Variants in DCC observed in about 807,000 individuals in gnomAD.
DCC encodes DCC netrin 1 receptor.
In DCC, 58 loss-of-function variants were observed where a neutral mutation model predicts 172.5. The observed-to-expected ratio is 0.34, with a 90% CI of 0.27 to 0.42. The LOEUF is 0.42. Among genes scored for constraint, DCC ranks in the 10% least tolerant of loss-of-function variants. The pLI, the probability that DCC is intolerant of heterozygous loss-of-function variation, is 1.00. For missense variants in DCC, 1,740 were observed against 1,791.0 expected, an observed-to-expected ratio of 0.97 and a Z score of 0.51; for synonymous variants, 709 against 644.5, an observed-to-expected ratio of 1.10 and a Z score of -1.52.
chr18:53,176,397 C>A (rs2144466915), intron 8 of DCC, among the ~76,000 whole-genome samples: 1 of 141,194 alleles, frequency 7.1e-6, no homozygotes, highest in East Asian at 2.1e-4. Context: ...AGGCAACCTA[C>A]AAAATGGGAG....
intron 2 of DCC, among the ~76,000 whole-genome samples, chr18:52,767,476 G>T (rs1279807782): frequency 6.6e-6 from 1 of 152,044 alleles, no homozygotes; most frequent in Non-Finnish European, 1.5e-5. Flanking sequence ...AAAAATAATG[G>T]GGTCAAGAGA....
chr18:53,308,052 T>C (rs983409024), intron 13 of DCC, among the ~76,000 whole-genome samples: 2 of 150,690 alleles, frequency 1.3e-5, no homozygotes, highest in Admixed American at 1.3e-4. Flanking sequence ...TCTACGAGTT[T>C]ATCCTAGGAA....
chr18:52,887,726 A>G (rs1399534036), intron 2 of DCC, among the ~76,000 whole-genome samples: 1 of 152,180 alleles, frequency 6.6e-6, no homozygotes, highest in East Asian at 1.9e-4. Context: ...CAAAATGTCA[A>G]AATTTGGAAT....
At chr18:53,487,015 T>C (rs1257505003) in intron 26 of DCC, 57 bp downstream of exon 26, 5 of 1,606,588 alleles carry the variant, frequency 3.1e-6, no homozygotes, top group Admixed American at 3.3e-5. Flanking sequence ...AAAGGTGTCT[T>C]GTAAAATATG....
intron 3 of DCC, among the ~76,000 whole-genome samples, chr18:52,922,801 A>T (rs530235643): frequency 6.6e-6 from 1 of 152,234 alleles, no homozygotes; most frequent in South Asian, 2.1e-4. Context: ...TTATATAGGA[A>T]GGTAAATAGA....
At chr18:52,779,138 TG>T (rs1303958007) in intron 2 of DCC, among the ~76,000 whole-genome samples, 1 of 152,110 alleles carries the variant, frequency 6.6e-6, no homozygotes, top group African/African-American at 2.4e-5. Context: ...TGGCTTCTGA[TG>T]GCCCTTTGCA....
chr18:53,106,235 C>T (rs1317489933), intron 7 of DCC, among the ~76,000 whole-genome samples: 3 of 151,928 alleles, frequency 2.0e-5, no homozygotes, highest in Non-Finnish European at 4.4e-5. Context: ...AGATTCTTAG[C>T]TAAGGACAGC....
chr18:53,498,214 C>T (rs35217960), intron 26 of DCC, among the ~76,000 whole-genome samples: 1 of 152,310 alleles, frequency 6.6e-6, no homozygotes, highest in Non-Finnish European at 1.5e-5. Context: ...TTTTCTATTT[C>T]CTCTGCCCTT....
chr18:52,644,783 GGAAA>G (rs755010895), intron 1 of DCC, among the ~76,000 whole-genome samples: 1 of 69,266 alleles, frequency 1.4e-5, no homozygotes, highest in Admixed American at 1.4e-4. Context: ...AAGGAAAGAA[GGAAA>G]GAAGGAAAGA....
chr18:52,713,314 C>T (rs1356322573), intron 1 of DCC, among the ~76,000 whole-genome samples: 7 of 152,340 alleles, frequency 4.6e-5, no homozygotes, highest in African/African-American at 1.7e-4. Context: ...GGGCTAATAT[C>T]ACAGTCAGAG....
At chr18:53,221,109 C>A (rs867604845) in intron 12 of DCC, among the ~76,000 whole-genome samples, 1 of 151,722 alleles carries the variant, frequency 6.6e-6, no homozygotes, top group Non-Finnish European at 1.5e-5. Flanking sequence ...TTAATAGATC[C>A]TTTTTTATTG....
chr18:53,109,251 G>A (rs956249463), intron 7 of DCC, among the ~76,000 whole-genome samples: 10 of 151,150 alleles, frequency 6.6e-5, no homozygotes, highest in Admixed American at 1.3e-4. Flanking sequence ...TTTTCCATGT[G>A]TATTGAATCT....
chr18:52,813,016 A>T (rs1299157970), intron 2 of DCC, among the ~76,000 whole-genome samples: 1 of 152,222 alleles, frequency 6.6e-6, no homozygotes, highest in African/African-American at 2.4e-5. Flanking sequence ...CAGAAAAAGA[A>T]ACACATGGCT....
intron 1 of DCC, among the ~76,000 whole-genome samples, chr18:52,590,158 GGT>G (rs4041438): frequency 0.92 from 137,290 of 149,004 alleles, 63,768 homozygotes; most frequent in East Asian, 0.99. Flanking sequence ...TGGTATAAAT[GGT>G]GTGTGTGTGT....
intron 2 of DCC, among the ~76,000 whole-genome samples, chr18:52,845,654 G>A (rs1431752): frequency 0.076 from 11,507 of 152,240 alleles, 811 homozygotes; most frequent in East Asian, 0.3. Context: ...CTCCATCATA[G>A]GGCATAGAAT....
At chr18:53,350,631 G>A (rs1395550388) in intron 15 of DCC, among the ~76,000 whole-genome samples, 1 of 151,948 alleles carries the variant, frequency 6.6e-6, no homozygotes, top group Admixed American at 6.6e-5. Context: ...TAATAGCTCA[G>A]TAAAAATAGA....
At chr18:52,761,049 A>G (rs2037152049) in intron 2 of DCC, among the ~76,000 whole-genome samples, 2 of 152,214 alleles carry the variant, frequency 1.3e-5, no homozygotes, top group South Asian at 2.1e-4. Flanking sequence ...GTATTAGTCC[A>G]TTTTCACACT....
chr18:52,901,432 AAAATAAAT>A (rs145752908), intron 2 of DCC, among the ~76,000 whole-genome samples: 123 of 151,920 alleles, frequency 8.1e-4, no homozygotes, highest in African/African-American at 2.8e-3. Context: ...ACTCGGGCTC[AAAATAAAT>A]AAATAAATAA....
intron 2 of DCC, among the ~76,000 whole-genome samples, chr18:52,804,509 A>C (rs1008951289): frequency 2.0e-5 from 3 of 152,160 alleles, no homozygotes; most frequent in African/African-American, 7.2e-5. Flanking sequence ...AAAAGATAAG[A>C]ATCAAAAAAG....
Sources: gnomAD v4.1 joint callset for allele counts (sites outside exome capture counted in the v4.1 genomes callset) on GRCh38, gnomAD v4.1.1 for gene constraint, MANE v1.5 for transcripts, NCBI Gene and HGNC (gene_info 2026-07-23, HGNC 2026-07-21) for gene names.